Variants in GABRB1 observed in about 807,000 individuals in gnomAD.
GABRB1 encodes the protein gamma-aminobutyric acid type A receptor subunit beta1.
In GABRB1, 17 loss-of-function variants were observed where a neutral mutation model predicts 51.6. The observed-to-expected ratio is 0.33, with a 90% CI of 0.23 to 0.49. The LOEUF is 0.49. GABRB1 is among the 20% of genes least tolerant of loss of function. The pLI is 0.99. For synonymous variants in GABRB1, 247 were observed against 218.9 expected (o/e 1.13, Z -1.14); for missense variants, 410 against 600.6 (o/e 0.68, Z 3.32).
chr4:47,391,531 A>G (rs554217993), intron 5 of GABRB1, among the ~76,000 whole-genome samples: 2 of 152,236 alleles, frequency 1.3e-5, no homozygotes, highest in South Asian at 4.2e-4. Context: ...TATGTTTCTC[A>G]CCTAGGATCT....
intron 4 of GABRB1, among the ~76,000 whole-genome samples, chr4:47,218,447 T>C (rs894769788): frequency 2.6e-5 from 4 of 151,796 alleles, no homozygotes; most frequent in Non-Finnish European, 4.4e-5. Flanking sequence ...AACTTACATT[T>C]TCACCTGGTA....
At chr4:47,072,294 T>G (rs1217813300) in intron 3 of GABRB1, among the ~76,000 whole-genome samples, 1 of 152,190 alleles carries the variant, frequency 6.6e-6, no homozygotes. Flanking sequence ...AGATTACACA[T>G]GGATTACAAT....
chr4:47,385,098 G>A (rs1727741109), intron 5 of GABRB1, among the ~76,000 whole-genome samples: 1 of 152,188 alleles, frequency 6.6e-6, no homozygotes. Context: ...AAAGTGGAAA[G>A]AGGTTTCAAT....
intron 3 of GABRB1, among the ~76,000 whole-genome samples, chr4:47,120,955 G>T (rs1031368511): frequency 6.6e-6 from 1 of 152,190 alleles, no homozygotes; most frequent in African/African-American, 2.4e-5. Context: ...GGCACAAGCT[G>T]CCCTGGCTGG....
chr4:47,313,870 T>C (rs1724794521), intron 4 of GABRB1, among the ~76,000 whole-genome samples: 1 of 152,100 alleles, frequency 6.6e-6, no homozygotes, highest in Non-Finnish European at 1.5e-5. Flanking sequence ...GTATTAGTGC[T>C]GTCCTCCAAC....
At chr4:47,004,239 G>A (rs952842634) in intron 1 of GABRB1, among the ~76,000 whole-genome samples, 2 of 151,998 alleles carry the variant, frequency 1.3e-5, no homozygotes, top group African/African-American at 2.4e-5. Flanking sequence ...TGCCTGCCTC[G>A]GCCTTTCAAA....
At chr4:47,318,220 T>C (rs1200959787) in intron 4 of GABRB1, among the ~76,000 whole-genome samples, 1 of 151,972 alleles carries the variant, frequency 6.6e-6, no homozygotes, top group Non-Finnish European at 1.5e-5. Flanking sequence ...AAAGAGATAA[T>C]GTATGCAAAG....
At chr4:47,267,711 C>CCCGGGAGGCAGGAGAA (rs1553868503) in intron 4 of GABRB1, among the ~76,000 whole-genome samples, 1 of 152,128 alleles carries the variant, frequency 6.6e-6, no homozygotes, top group Non-Finnish European at 1.5e-5. Context: ...AGGAGAATTG[C>CCCGGGAGGCAGGAGAA]TTGAACCCGG....
chr4:47,207,536 C>T (rs1488128592), intron 4 of GABRB1, among the ~76,000 whole-genome samples: 2 of 152,032 alleles, frequency 1.3e-5, no homozygotes, highest in African/African-American at 4.8e-5. Flanking sequence ...CCCTTTTAGG[C>T]TCTGTATGCA....
At chr4:47,195,456 TTAGATG>T (rs1719639232) in intron 4 of GABRB1, among the ~76,000 whole-genome samples, 1 of 89,616 alleles carries the variant, frequency 1.1e-5, no homozygotes, top group Admixed American at 1.2e-4. Context: ...GATAGATAGA[TTAGATG>T]ATAGATAGAT....
intron 8 of GABRB1, among the ~76,000 whole-genome samples, chr4:47,416,064 C>G (rs1475769539): frequency 2.0e-5 from 3 of 152,284 alleles, no homozygotes; most frequent in African/African-American, 7.2e-5. Context: ...CCTCCTGGAG[C>G]TTATATTCCA....
At chr4:47,018,818 G>A (rs955968213) in intron 1 of GABRB1, among the ~76,000 whole-genome samples, 2 of 152,140 alleles carry the variant, frequency 1.3e-5, no homozygotes, top group Non-Finnish European at 2.9e-5. Context: ...TGAGGAGGAG[G>A]AAGAAGAGGG....
At position 47,125,555 on chromosome 4, in the gene GABRB1, A is replaced by ATTTT. The variant is rs570181191; in HGVS notation, c.241-35691_241-35690insTTTT. 3.3e-4 allele frequency among the ~76,000 whole-genome samples: 7 copies of ATTTT among 21,020 alleles called. 1 individual carries two copies. The East Asian group carries it at 0.011, about 34-fold the overall frequency. 13.8% of individuals were successfully genotyped at this position (21,020 alleles called of 152,430 possible). A position where few individuals can be genotyped will look rare whatever the true frequency, so the allele number is the denominator to read the frequency against. On this transcript the variant is annotated intron_variant, in intron 3 of 8. Transcript: ENST00000295454. ...GTATCTCTAGACACAACAAAGTATA[A>ATTTT]TTTCTTTTTTTTTTTTTTGAGACGG...
intron 3 of GABRB1, among the ~76,000 whole-genome samples, chr4:47,133,188 A>T (rs1716500742): frequency 6.6e-6 from 1 of 152,236 alleles, no homozygotes; most frequent in African/African-American, 2.4e-5. Context: ...CACCTTGAGC[A>T]CAGCCTGGAA....
At chr4:47,353,037 A>C (rs1260484410) in intron 5 of GABRB1, among the ~76,000 whole-genome samples, 3 of 152,228 alleles carry the variant, frequency 2.0e-5, no homozygotes, top group Non-Finnish European at 4.4e-5. Flanking sequence ...GGCAAAAGGC[A>C]CTTCTTACAT....
In GABRB1 at chr4:47,406,923, C is replaced by T. The variant is rs1417695601; in HGVS notation, c.1077C>T (p.Val359=). ...AGAATAAACTGGAGATGAATAAAGTCCAGGTAAGATATTAAATATTCCTAA... is the reference window on the plus strand; with the variant it reads ...AGAATAAACTGGAGATGAATAAAGTTCAGGTAAGATATTAAATATTCCTAA... ...NEKNKLEMNK[V]QVDAHGNILL... The change falls in exon 8 of 9, where the codon GTC becomes GTT. Residue 359 remains valine, a synonymous_variant. Coordinates refer to ENST00000295454, the MANE Select transcript of GABRB1 (RefSeq NM_000812.4). 6.2e-7 allele frequency: 1 copy of T among 1,613,252 alleles called. No individual in the cohort carries two copies. Among genetic ancestry groups the T allele is most frequent in the Non-Finnish European group, 8.5e-7 (1 of 1,179,662 alleles).
chr4:47,000,698 C>T (rs892682132), intron 1 of GABRB1, among the ~76,000 whole-genome samples: 2 of 152,198 alleles, frequency 1.3e-5, no homozygotes, highest in African/African-American at 2.4e-5. Flanking sequence ...GGAGATCTCT[C>T]TTCCCCCACC....
chr4:47,191,082 G>T (rs1719424098), intron 4 of GABRB1, among the ~76,000 whole-genome samples: 1 of 152,076 alleles, frequency 6.6e-6, no homozygotes, highest in African/African-American at 2.4e-5. Context: ...TGCCTGGAAA[G>T]AATATACCTA....
chr4:47,054,134 A>G (rs1726479536), intron 3 of GABRB1, among the ~76,000 whole-genome samples: 1 of 136,050 alleles, frequency 7.4e-6, no homozygotes, highest in South Asian at 2.4e-4. Context: ...AGATGTAAGT[A>G]ACCACTCATT....
Sources: allele counts gnomAD v4.1 joint callset (sites outside exome capture counted in the v4.1 genomes callset), GRCh38; gene constraint gnomAD v4.1.1; transcripts MANE v1.5; gene names NCBI Gene and HGNC (gene_info 2026-07-23, HGNC 2026-07-21).